The following TM7SF3 variants were observed in gnomAD, a reference collection of about 807,000 sequenced individuals.
The protein encoded by TM7SF3 is seven span transmembrane protein.
Under a neutral mutation model 65.5 loss-of-function variants are expected in TM7SF3, and 60 were observed. The observed-to-expected ratio is 0.92, with a 90% CI of 0.74 to 1.14. TM7SF3 has a LOEUF of 1.14. Among genes scored for constraint, TM7SF3 ranks in the 50% most tolerant of loss-of-function variants. TM7SF3 has a pLI of 0.00. For synonymous variants in TM7SF3, 264 were observed against 259.6 expected (o/e 1.02, Z -0.16); for missense variants, 623 against 684.8 (o/e 0.91, Z 1.01).
intron 6 of TM7SF3, among the ~76,000 whole-genome samples, chr12:26,987,656 T>C (rs1296178854): frequency 6.6e-6 from 1 of 152,192 alleles, no homozygotes; most frequent in Non-Finnish European, 1.5e-5. Context: ...GAAGGAGTGA[T>C]ACATTAGAGA....
intron 4 of TM7SF3, among the ~76,000 whole-genome samples, chr12:26,995,852 C>A (rs1403983897): frequency 6.6e-6 from 1 of 152,166 alleles, no homozygotes; most frequent in African/African-American, 2.4e-5. Flanking sequence ...GACTTCTACC[C>A]TCTAGAACCA....
At chr12:26,999,435 A>C in intron 3 of TM7SF3, 91 bp downstream of exon 3, 1 of 1,377,696 alleles carries the variant, frequency 7.3e-7, no homozygotes, top group Non-Finnish European at 1.0e-6. Flanking sequence ...TACTTGCAAC[A>C]AACAATCTCA....
At chr12:26,999,795 C>T in intron 2 of TM7SF3, 119 bp from the exon 3 acceptor site, 5 of 1,035,964 alleles carry the variant, frequency 4.8e-6, no homozygotes, top group Non-Finnish European at 6.9e-6. Flanking sequence ...AAAAAAAAAC[C>T]TTCCTTAAAT....
intron 3 of TM7SF3, among the ~76,000 whole-genome samples, chr12:26,998,339 T>G (rs1284742017): frequency 1.3e-5 from 2 of 152,136 alleles, no homozygotes; most frequent in Non-Finnish European, 2.9e-5. Flanking sequence ...CAGCTTTTAT[T>G]AACAGCTATT....
chr12:27,009,057 C>T (rs771278260), intron 1 of TM7SF3, among the ~76,000 whole-genome samples: 12 of 152,172 alleles, frequency 7.9e-5, no homozygotes, highest in Non-Finnish European at 1.6e-4. Context: ...TTTGCAGTTC[C>T]ACCTTTCACA....
Position 26,996,999 on chromosome 12 carries a change from A to G in TM7SF3, c.398-137T>C, listed in dbSNP as rs557903175. Reference sequence around the variant, plus strand: ...ATATAAACGTAGAGCTTCTAGTCGTATACTATTTCATGAACTGAGGTTAAA... The same window carrying G: ...ATATAAACGTAGAGCTTCTAGTCGTGTACTATTTCATGAACTGAGGTTAAA... On this transcript the variant is annotated intron_variant, in intron 3 of 11. Transcript: ENST00000343028. The G allele has an allele frequency of 1.4e-5, 14 of 986,650 alleles. No homozygotes were observed. In the South Asian group the frequency reaches 2.5e-4, roughly 18 times the overall value. The allele number at this position is 986,650 out of a possible 1,614,324, so 61.1% of individuals were successfully genotyped here.
chr12:26,985,805 CGT>C (rs1940052976), intron 6 of TM7SF3, among the ~76,000 whole-genome samples: 12 of 72,024 alleles, frequency 1.7e-4, no homozygotes, highest in Admixed American at 7.1e-4. Flanking sequence ...ATTTCTTTTT[CGT>C]TTTTTTTTTT....
chr12:26,979,719 A>T lies in TM7SF3; in HGVS notation c.1189+65T>A. 1.9e-6 allele frequency: 3 copies of T among 1,567,890 alleles called. No individual in the cohort carries two copies. In the Admixed American group the frequency reaches 5.3e-5, roughly 28 times the overall value. On this transcript the variant is annotated intron_variant, in intron 9 of 11. Coordinates refer to ENST00000343028, the MANE Select transcript of TM7SF3 (RefSeq NM_016551.3). ...ACATGCAACACCACTCCAGGATGCA[A>T]ATCCAATTAGGCAGTATTCAAACAG...
At chr12:26,977,370 A>G (rs1939611857) in intron 9 of TM7SF3, among the ~76,000 whole-genome samples, 1 of 152,266 alleles carries the variant, frequency 6.6e-6, no homozygotes. Context: ...GAATAAGCTC[A>G]TTGCTTCCCA....
At chr12:27,010,015 A>G (rs951940778) in intron 1 of TM7SF3, among the ~76,000 whole-genome samples, 2 of 152,180 alleles carry the variant, frequency 1.3e-5, no homozygotes, top group East Asian at 3.8e-4. Context: ...TTGATGTTCC[A>G]ACGTCTAACA....
intron 2 of TM7SF3, among the ~76,000 whole-genome samples, chr12:27,001,557 G>A (rs1183669506): frequency 1.3e-5 from 2 of 152,104 alleles, no homozygotes; most frequent in Admixed American, 6.5e-5. Flanking sequence ...TATGGCTCCA[G>A]GAGCTTAAGA....
intron 10 of TM7SF3, 131 bp from the exon 11 acceptor site, chr12:26,975,789 A>T: frequency 1.1e-6 from 1 of 942,024 alleles, no homozygotes; most frequent in African/African-American, 1.7e-5. Context: ...ACCCACTCAG[A>T]GCTGAACAGA....
At chr12:26,996,145 C>T (rs1940586439) in intron 4 of TM7SF3, among the ~76,000 whole-genome samples, 1 of 149,742 alleles carries the variant, frequency 6.7e-6, no homozygotes, top group Admixed American at 6.7e-5. Flanking sequence ...AAGACCTCAT[C>T]TTTGATTTAA....
At position 26,990,616 on chromosome 12, in the gene TM7SF3, T is replaced by C; in HGVS notation, c.702A>G (p.Leu234=). Residue 234 remains leucine (L), a synonymous_variant, in exon 6 of 12, where the codon CTA becomes CTG. Transcript: ENST00000343028. ...VKASALKVVT[L]TANDKTSVSF... The stretch of plus-strand genomic sequence containing the variant: ...AAACACTTGTCTTATCATTAGCTGT[T>C]AGGGTAACCACCTGAAGCCAAAAAT... 6.2e-7 allele frequency: 1 copy of C among 1,613,408 alleles called. No homozygotes were observed. The highest frequency in any genetic ancestry group is 1.7e-4 in the Middle Eastern group (1 of 6,056).
At chr12:26,997,977 C>T (rs1195485787) in intron 3 of TM7SF3, among the ~76,000 whole-genome samples, 1 of 151,330 alleles carries the variant, frequency 6.6e-6, no homozygotes, top group African/African-American at 2.4e-5. Context: ...AGGCACCTGC[C>T]ACCACACCTG....
chr12:26,995,303 C>T lies in TM7SF3; in HGVS notation c.624G>A (p.Glu208=), dbSNP rs894810792. The part of the protein sequence containing the change: ...QYFLPENDLT[E]EMLLKHLQRM... ...TCTGCAGATGCTTCAGCAACATCTCCTCAGTGAGGTCATTCTCAGGCAGAA... is the reference window on the plus strand; with the variant it reads ...TCTGCAGATGCTTCAGCAACATCTCTTCAGTGAGGTCATTCTCAGGCAGAA... Residue 208 remains glutamate (E), a synonymous_variant, in exon 5 of 12, where the codon GAG becomes GAA. Transcript: ENST00000343028. 1.2e-6 allele frequency: 2 copies of T among 1,614,184 alleles called. No homozygotes were observed. The highest frequency in any genetic ancestry group is 1.7e-6 in the Non-Finnish European group (2 of 1,180,032).
chr12:26,998,131 CCT>C (rs1940678677), intron 3 of TM7SF3, among the ~76,000 whole-genome samples: 3 of 152,154 alleles, frequency 2.0e-5, no homozygotes, highest in South Asian at 4.1e-4. Context: ...CCGTGCCCGG[CCT>C]GCTCCCTTTT....
In TM7SF3 at chr12:27,003,234, A is replaced by C; in HGVS notation, c.246+2T>G. 3.1e-6 allele frequency: 5 copies of C among 1,600,340 alleles called. No individual in the cohort carries two copies. Among genetic ancestry groups the C allele is most frequent in the Non-Finnish European group, 4.3e-6 (5 of 1,173,022 alleles). On this transcript the variant is annotated splice_donor_variant, in intron 2 of 11. Transcript: ENST00000343028. LOFTEE classifies it high-confidence loss of function. ...TTTACTAAAATAATTCTTTGCACTTACCGGAGAAAAGGAAACAGTTGTATT... is the reference window on the plus strand; with the variant it reads ...TTTACTAAAATAATTCTTTGCACTTCCCGGAGAAAAGGAAACAGTTGTATT...
At chr12:26,999,425 T>C (rs1031773720) in intron 3 of TM7SF3, 101 bp downstream of exon 3, 1 of 1,276,652 alleles carries the variant, frequency 7.8e-7, no homozygotes, top group Non-Finnish European at 1.1e-6. Context: ...ATATAAATTA[T>C]ACTTGCAACA....
Sources: gnomAD v4.1 joint callset for allele counts (sites outside exome capture counted in the v4.1 genomes callset) on GRCh38, gnomAD v4.1.1 for gene constraint, MANE v1.5 for transcripts, NCBI Gene and HGNC (gene_info 2026-07-23, HGNC 2026-07-21) for gene names.